ATXN1: variants seen among roughly 807,000 people sequenced by gnomAD.
The protein encoded by ATXN1 is ataxin-1.
ATXN1 carries 8 observed loss-of-function variants against 56.4 expected under a neutral mutation model. The ratio of observed to expected loss-of-function variants is 0.14; its 90% CI spans 0.08 to 0.26. The LOEUF (loss-of-function observed/expected upper bound fraction) is 0.26. Among genes scored for constraint, ATXN1 ranks in the 10% least tolerant of loss-of-function variants. The pLI is 1.00. For missense variants in ATXN1, 987 were observed against 1,106.5 expected (o/e 0.89, Z 1.53); for synonymous variants, 514 against 494.6 (o/e 1.04, Z -0.52).
At chr6:16,318,639 A>C (rs1028787298) in intron 7 of ATXN1, among the ~76,000 whole-genome samples, 1 of 152,252 alleles carries the variant, frequency 6.6e-6, no homozygotes, top group African/African-American at 2.4e-5. Flanking sequence ...AATCATGTTC[A>C]CGCAAAGCCT....
chr6:16,675,907 T>C (rs1758652427), intron 2 of ATXN1, among the ~76,000 whole-genome samples: 2 of 151,442 alleles, frequency 1.3e-5, no homozygotes, highest in Admixed American at 6.6e-5. Flanking sequence ...AATAAATAAA[T>C]AAAAATAAAA....
intron 2 of ATXN1, among the ~76,000 whole-genome samples, chr6:16,697,615 T>C (rs1286731323): frequency 7.4e-6 from 1 of 135,076 alleles, no homozygotes. Flanking sequence ...ACCCTCTTCA[T>C]GTCTCATATA....
chr6:16,583,960 T>C (rs932196720), intron 4 of ATXN1, among the ~76,000 whole-genome samples: 1 of 152,128 alleles, frequency 6.6e-6, no homozygotes, highest in Non-Finnish European at 1.5e-5. Flanking sequence ...TTGATCATTT[T>C]CTCAAATGAT....
At chr6:16,381,873 T>C (rs904653705) in intron 6 of ATXN1, among the ~76,000 whole-genome samples, 2 of 152,196 alleles carry the variant, frequency 1.3e-5, no homozygotes, top group African/African-American at 4.8e-5. Context: ...GGAGAGTTAT[T>C]ATTAAAGTAC....
At chr6:16,517,853 C>G (rs938310116) in intron 5 of ATXN1, among the ~76,000 whole-genome samples, 3 of 152,244 alleles carry the variant, frequency 2.0e-5, no homozygotes, top group Admixed American at 1.3e-4. Flanking sequence ...GATTGCTGAA[C>G]TAGCTCCTAC....
intron 2 of ATXN1, among the ~76,000 whole-genome samples, chr6:16,728,515 CT>C (rs1759898752): frequency 6.6e-6 from 1 of 152,286 alleles, no homozygotes; most frequent in African/African-American, 2.4e-5. Context: ...CAAGGTCTCC[CT>C]CTCACCAACT....
intron 7 of ATXN1, among the ~76,000 whole-genome samples, chr6:16,307,612 T>G (rs1270721494): frequency 2.7e-5 from 4 of 150,120 alleles, no homozygotes; most frequent in African/African-American, 9.9e-5. Flanking sequence ...AGGCAGATGT[T>G]GCAGCGAGCC....
intron 2 of ATXN1, chr6:16,666,500 G>A (rs1407807466): frequency 6.4e-6 from 1 of 156,720 alleles, no homozygotes; most frequent in Non-Finnish European, 1.4e-5. Context: ...ATATATACAT[G>A]ACTTTTCTTT....
intron 3 of ATXN1, among the ~76,000 whole-genome samples, chr6:16,651,543 C>CAA (rs567160469): frequency 0.6 from 78,828 of 131,122 alleles, 22,797 homozygotes; most frequent in African/African-American, 0.73. Context: ...GACTCTGTCT[C>CAA]AAAAAAAAAA....
intron 6 of ATXN1, among the ~76,000 whole-genome samples, chr6:16,347,521 G>A (rs1259482279): frequency 3.3e-5 from 5 of 151,814 alleles, no homozygotes; most frequent in South Asian, 2.1e-4. Flanking sequence ...ACACCAATCG[G>A]CACTCTGTAT....
intron 6 of ATXN1, among the ~76,000 whole-genome samples, chr6:16,376,280 G>T (rs959486615): frequency 2.0e-5 from 3 of 152,158 alleles, no homozygotes; most frequent in Admixed American, 1.3e-4. Flanking sequence ...TTACACTCTG[G>T]ACTGAACAAA....
At chr6:16,368,171 A>G (rs899431524) in intron 6 of ATXN1, among the ~76,000 whole-genome samples, 1 of 148,106 alleles carries the variant, frequency 6.8e-6, no homozygotes, top group African/African-American at 2.5e-5. Context: ...ATCTGTCTCA[A>G]AAAAAAAAAG....
At chr6:16,546,539 C>T (rs1313512089) in intron 4 of ATXN1, among the ~76,000 whole-genome samples, 5 of 152,200 alleles carry the variant, frequency 3.3e-5, no homozygotes, top group African/African-American at 1.2e-4. Flanking sequence ...ATGAGCATGA[C>T]ATTGGCTAGA....
intron 6 of ATXN1, among the ~76,000 whole-genome samples, chr6:16,331,783 A>G (rs1410875661): frequency 2.0e-5 from 3 of 152,246 alleles, no homozygotes; most frequent in Admixed American, 1.3e-4. Context: ...TGCACAATAC[A>G]CAAAACTAGA....
chr6:16,564,766 T>C (rs762772481), intron 4 of ATXN1, among the ~76,000 whole-genome samples: 9 of 152,174 alleles, frequency 5.9e-5, no homozygotes, highest in Non-Finnish European at 1.2e-4. Flanking sequence ...TTAGGGGTGA[T>C]GAAAATGTTC....
intron 6 of ATXN1, among the ~76,000 whole-genome samples, chr6:16,443,050 G>T (rs1332891154): frequency 6.6e-6 from 1 of 151,390 alleles, no homozygotes; most frequent in African/African-American, 2.4e-5. Flanking sequence ...GGCATGGTGG[G>T]GCACACCTGT....
chr6:16,455,060 G>A (rs1210892011), intron 6 of ATXN1, among the ~76,000 whole-genome samples: 1 of 152,180 alleles, frequency 6.6e-6, no homozygotes, highest in African/African-American at 2.4e-5. Flanking sequence ...ATTGGGTTGG[G>A]AAGACTGTAT....
intron 6 of ATXN1, among the ~76,000 whole-genome samples, chr6:16,377,215 TG>T (rs1280798432): frequency 6.6e-6 from 1 of 152,160 alleles, no homozygotes; most frequent in African/African-American, 2.4e-5. Context: ...CTGTGAGAAA[TG>T]TATTTCTGTT....
chr6:16,533,787 A>C (rs1208739523), intron 4 of ATXN1, among the ~76,000 whole-genome samples: 1 of 152,140 alleles, frequency 6.6e-6, no homozygotes, highest in African/African-American at 2.4e-5. Context: ...ACTCGTTTGA[A>C]ATGTAAGCTG....
Sources: gnomAD v4.1 joint callset for allele counts (sites outside exome capture counted in the v4.1 genomes callset) on GRCh38, gnomAD v4.1.1 for gene constraint, MANE v1.5 for transcripts, NCBI Gene and HGNC (gene_info 2026-07-23, HGNC 2026-07-21) for gene names.